HMGCL: variants seen among roughly 807,000 people sequenced by gnomAD.
HMGCL encodes the protein hydroxymethylglutaryl-CoA lyase, mitochondrial.
In HMGCL, 26 loss-of-function variants were observed where a neutral mutation model predicts 37.3. That is an observed-to-expected ratio of 0.70 (90% CI 0.51 to 0.97). The LOEUF is 0.97. HMGCL is among the 50% of genes least tolerant of loss of function. The probability of loss-of-function intolerance (pLI) is 0.00; values close to 1 mark genes in which losing one functional copy is unlikely to be tolerated. For missense variants in HMGCL, 379 were observed against 398.1 expected (o/e 0.95, Z 0.41); for synonymous variants, 151 against 148.0 (o/e 1.02, Z -0.15).
chr1:23,820,498 T>A lies in HMGCL; in HGVS notation c.144+12A>T. ...TGAAAAAACTGTTTTTTTGGCTCATTTCCAACTTTACCTTTTCATTTTGTA... is the reference window on the plus strand; with the variant it reads ...TGAAAAAACTGTTTTTTTGGCTCATATCCAACTTTACCTTTTCATTTTGTA... On this transcript the variant is annotated intron_variant, in intron 2 of 8. Transcript: ENST00000374490. 1 of 1,607,752 alleles carries A rather than the reference T, an allele frequency of 6.2e-7. No individual in the cohort carries two copies. Among genetic ancestry groups the A allele is most frequent in the Non-Finnish European group, 8.5e-7 (1 of 1,174,110 alleles).
intron 1 of HMGCL, among the ~76,000 whole-genome samples, chr1:23,821,848 G>A (rs890326070): frequency 2.4e-4 from 37 of 151,932 alleles, no homozygotes; most frequent in Middle Eastern, 3.4e-3. Context: ...TCCTCATCTG[G>A]CTTTTTTTAA....
intron 3 of HMGCL, 66 bp downstream of exon 3, chr1:23,817,410 C>A: frequency 1.1e-6 from 1 of 940,276 alleles, no homozygotes; most frequent in East Asian, 2.4e-5. Flanking sequence ...CTTCTACTTG[C>A]TTCAAAGGCA....
rs906068965 is a variant in HMGCL, at chr1:23,821,121, C to T, written c.61-528G>A. Among the ~76,000 whole-genome samples, 5 of 152,198 alleles carry T rather than the reference C, an allele frequency of 3.3e-5. No homozygotes were observed. The South Asian group carries it at 6.2e-4, about 19-fold the overall frequency. ...CTGTAATCCCAGTACTTTGGGAGGC[C>T]GAAGCGGGCGATCACTTGAGGTCGG... On this transcript the variant is annotated intron_variant, in intron 1 of 8. Transcript: ENST00000374490.
chr1:23,820,452 G>T, intron 2 of HMGCL, 58 bp downstream of exon 2: 1 of 1,167,570 alleles, frequency 8.6e-7, no homozygotes, highest in Non-Finnish European at 1.3e-6. Context: ...CCTATCACAC[G>T]TAATACTCAA....
chr1:23,817,329 T>C, intron 3 of HMGCL, 147 bp downstream of exon 3: 2 of 629,212 alleles, frequency 3.2e-6, no homozygotes, highest in Non-Finnish European at 5.7e-6. Context: ...TCATGTTCTT[T>C]TGCTGCAACA....
intron 8 of HMGCL, chr1:23,803,475 T>C (rs1638330947): frequency 6.6e-6 from 1 of 152,332 alleles, no homozygotes. Context: ...GTGCTGGGAT[T>C]ACGGGCGTGA....
At chr1:23,816,632 C>G (rs1455737061) in intron 4 of HMGCL, 43 bp downstream of exon 4, 1 of 1,154,156 alleles carries the variant, frequency 8.7e-7, no homozygotes, top group South Asian at 1.2e-5. Flanking sequence ...CCAATGCCAT[C>G]AATCTCATTT....
At position 23,814,152 on chromosome 1, in the gene HMGCL, C is replaced by T. The variant is rs137992708; in HGVS notation, c.497+38G>A. 7,947 of 1,609,938 alleles carry T rather than the reference C, an allele frequency of 4.9e-3. 25 individuals are homozygous for T. The highest frequency in any genetic ancestry group is 6.1e-3 in the Non-Finnish European group (7,202 of 1,177,738). On this transcript the variant is annotated intron_variant, in intron 5 of 8. Transcript: ENST00000374490. Reference sequence around the variant, plus strand: ...GTCAGAGTCTAGCCCCATTCCAGAACGGTACAGAGGAAAGGATACCAATGT... The same window carrying T: ...GTCAGAGTCTAGCCCCATTCCAGAATGGTACAGAGGAAAGGATACCAATGT...
rs907453526 is a variant in HMGCL at position 23,806,364 on chromosome 1, C to T, written c.750+1771G>A. 2.0e-5 allele frequency among the ~76,000 whole-genome samples: 3 copies of T among 152,190 alleles called. No individual in the cohort carries two copies. Among genetic ancestry groups the T allele is most frequent in the African/African-American group, 4.8e-5 (2 of 41,442 alleles). Reference sequence around the variant, plus strand: ...AAGAGTCAAAGTCCTACAAGGCCCCCGATCTGGCCTTCCTCTAACCCTGAC... The same window carrying T: ...AAGAGTCAAAGTCCTACAAGGCCCCTGATCTGGCCTTCCTCTAACCCTGAC... On this transcript the variant is annotated intron_variant, in intron 7 of 8. Transcript: ENST00000374490. The surrounding 1 kb of genome is among the most constrained non-coding windows in gnomAD (Gnocchi z 4.0).
chr1:23,825,278 G>T, intron 1 of HMGCL, 78 bp downstream of exon 1: 1 of 1,238,474 alleles, frequency 8.1e-7, no homozygotes. Context: ...TAAGAGAGCA[G>T]TCACCACGGG....
In HMGCL at chr1:23,802,271, G is replaced by C. The variant is rs1209421757; in HGVS notation, c.*192C>G. On this transcript the variant is annotated 3_prime_UTR_variant, in exon 9 of 9. Transcript: ENST00000374490. ...AAAGCCTCTCACTCCTCAGGTCTGG[G>C]CAGGAGGTCCTTCTGCCAAGCAGCT... The C allele has an allele frequency of 4.8e-6, 3 of 626,998 alleles. No homozygotes were observed. The highest frequency in any genetic ancestry group is 8.6e-6 in the Non-Finnish European group (3 of 350,398). 38.8% of individuals were successfully genotyped at this position (626,998 alleles called of 1,614,324 possible).
rs560816013 is a variant in HMGCL at position 23,803,356 on chromosome 1, C to T, written c.877-792G>A. 4.6e-5 allele frequency among the ~76,000 whole-genome samples: 7 copies of T among 152,336 alleles called. No homozygotes were observed. In the East Asian group the frequency reaches 1.2e-3, roughly 25 times the overall value. On this transcript the variant is annotated intron_variant, in intron 8 of 8. Coordinates refer to ENST00000374490, the MANE Select transcript of HMGCL (RefSeq NM_000191.3). ...AGCTGGGATTACAGGTGCGTGCCACCACACCCAGCTAATTTTTGTATTTTT... is the reference window on the plus strand; with the variant it reads ...AGCTGGGATTACAGGTGCGTGCCACTACACCCAGCTAATTTTTGTATTTTT...
At chr1:23,824,033 C>G (rs747134414) in intron 1 of HMGCL, among the ~76,000 whole-genome samples, 3 of 152,172 alleles carry the variant, frequency 2.0e-5, no homozygotes, top group Non-Finnish European at 4.4e-5. Context: ...TCTTTACCAC[C>G]GTTCGTTCGG....
intron 3 of HMGCL, 49 bp downstream of exon 3, chr1:23,817,427 A>C (rs1257831639): frequency 5.2e-6 from 6 of 1,159,888 alleles, no homozygotes; most frequent in Non-Finnish European, 7.8e-6. Flanking sequence ...GGCAAATGCA[A>C]AACTTTTCAT....
intron 1 of HMGCL, among the ~76,000 whole-genome samples, chr1:23,820,864 C>T (rs1638706642): frequency 6.6e-6 from 1 of 152,184 alleles, no homozygotes; most frequent in African/African-American, 2.4e-5. Context: ...CAGCTCTATT[C>T]GCATCTCTTC....
Position 23,804,384 on chromosome 1 carries a change from G to A in HMGCL, c.876+16C>T. 1 of 1,614,080 alleles carries A rather than the reference G, an allele frequency of 6.2e-7. No homozygotes were observed. Among genetic ancestry groups the A allele is most frequent in the Non-Finnish European group, 8.5e-7 (1 of 1,179,996 alleles). On this transcript the variant is annotated intron_variant, in intron 8 of 8. Transcript: ENST00000374490. ...TCAGTTCGGGGCTGTCGCCACCAGG[G>A]GGTGGGTGGGCTTACCGTGTGAATG...
At position 23,810,911 on chromosome 1, in the gene HMGCL, AGCTGGGCGGAG is replaced by A. The variant is rs1570647804; in HGVS notation, c.498-123_498-113del. 6 of 808,536 alleles carry A rather than the reference AGCTGGGCGGAG, an allele frequency of 7.4e-6. No homozygotes were observed. The East Asian group carries it at 1.6e-4, about 22-fold the overall frequency. 50.1% of individuals were successfully genotyped at this position (808,536 alleles called of 1,614,324 possible). Reference sequence around the variant, plus strand: ...TGATCAGTGTGCAATCAACACCTGCAGCTGGGCGGAGTAAGGGCAGGGATGGTACAATTCAG... The same window carrying A: ...TGATCAGTGTGCAATCAACACCTGCATAAGGGCAGGGATGGTACAATTCAG... On this transcript the variant is annotated intron_variant, in intron 5 of 8. Coordinates refer to ENST00000374490, the MANE Select transcript of HMGCL (RefSeq NM_000191.3).
At chr1:23,823,072 A>AGGCTG (rs1638750678) in intron 1 of HMGCL, among the ~76,000 whole-genome samples, 1 of 147,818 alleles carries the variant, frequency 6.8e-6, no homozygotes, top group Non-Finnish European at 1.5e-5. Flanking sequence ...GCTACTCGGG[A>AGGCTG]GGCTGAGGCA....
chr1:23,817,459 T>C lies in HMGCL; in HGVS notation c.252+17A>G, dbSNP rs773700977. 3.8e-5 allele frequency: 56 copies of C among 1,459,266 alleles called. No individual in the cohort carries two copies. In the East Asian group the frequency reaches 1.2e-3, roughly 32 times the overall value. 90.4% of individuals were successfully genotyped at this position (1,459,266 alleles called of 1,614,324 possible). A position where few individuals can be genotyped will look rare whatever the true frequency, so the allele number is the denominator to read the frequency against. On this transcript the variant is annotated intron_variant, in intron 3 of 8. Transcript: ENST00000374490. Reference sequence around the variant, plus strand: ...TCATCCCTAGAGAAAGGCCTTTCATTGAGGGCTAGGGCTCACCTGGGGAAC... The same window carrying C: ...TCATCCCTAGAGAAAGGCCTTTCATCGAGGGCTAGGGCTCACCTGGGGAAC...
Sources: gnomAD v4.1 joint callset for allele counts (sites outside exome capture counted in the v4.1 genomes callset) on GRCh38, gnomAD v4.1.1 for gene constraint, Gnocchi (gnomAD v3.1) non-coding constraint, MANE v1.5 for transcripts, NCBI Gene and HGNC (gene_info 2026-07-23, HGNC 2026-07-21) for gene names.